The following SLC4A10 variants were observed in gnomAD, a reference collection of about 807,000 sequenced individuals.
The protein encoded by SLC4A10 is solute carrier family 4 member 10, also known as sodium-driven chloride bicarbonate exchanger.
A neutral mutation model predicts 137.7 loss-of-function variants in SLC4A10; 42 were observed. The ratio of observed to expected loss-of-function variants is 0.30; its 90% CI spans 0.24 to 0.39. The LOEUF is 0.39. SLC4A10 is among the 10% of genes least tolerant of loss of function. The pLI is 1.00. For missense variants in SLC4A10, 925 were observed against 1,355.0 expected, an observed-to-expected ratio of 0.68 and a Z score of 4.98; for synonymous variants, 474 against 464.1, an observed-to-expected ratio of 1.02 and a Z score of -0.27.
chr2:161,733,142 G>A lies in SLC4A10; in HGVS notation c.49-37831G>A, dbSNP rs780032146. Reference sequence around the variant, plus strand: ...GGCTGCATAAATTTGCATAAGTAATGAGGAGCCGCATGTTAATCCCCAAGA... The same window carrying A: ...GGCTGCATAAATTTGCATAAGTAATAAGGAGCCGCATGTTAATCCCCAAGA... On this transcript the variant is annotated intron_variant, in intron 1 of 26. Transcript: ENST00000446997. 8.6e-4 allele frequency among the ~76,000 whole-genome samples: 131 copies of A among 152,162 alleles called. 1 individual carries two copies. Among genetic ancestry groups the A allele is most frequent in the Non-Finnish European group, 1.2e-3 (82 of 68,018 alleles).
intron 11 of SLC4A10, among the ~76,000 whole-genome samples, chr2:161,895,480 A>G (rs1023185905): frequency 2.0e-5 from 3 of 152,138 alleles, no homozygotes; most frequent in Non-Finnish European, 2.9e-5. Flanking sequence ...TCCCTGAGGA[A>G]TCGCCACACT....
chr2:161,910,715 G>A (rs1201757931), intron 15 of SLC4A10, among the ~76,000 whole-genome samples: 13 of 152,020 alleles, frequency 8.6e-5, no homozygotes, highest in African/African-American at 3.1e-4. Flanking sequence ...AGCAGGTTAT[G>A]AGAAATTTTT....
chr2:161,865,294 A>C (rs1262190359), intron 6 of SLC4A10, among the ~76,000 whole-genome samples: 1 of 152,060 alleles, frequency 6.6e-6, no homozygotes, highest in African/African-American at 2.4e-5. Context: ...TAGAATTATA[A>C]CTGTGAATCA....
chr2:161,860,506 CA>C (rs1198879368), intron 5 of SLC4A10, among the ~76,000 whole-genome samples: 1 of 152,144 alleles, frequency 6.6e-6, no homozygotes, highest in Non-Finnish European at 1.5e-5. Flanking sequence ...ACCTACTTTA[CA>C]ACTTCCATTA....
intron 10 of SLC4A10, among the ~76,000 whole-genome samples, chr2:161,892,061 G>A (rs2062981074): frequency 6.6e-6 from 1 of 152,020 alleles, no homozygotes. Context: ...GATAACATTG[G>A]TGATAGGGAA....
chr2:161,741,729 G>A (rs748622724), intron 1 of SLC4A10, among the ~76,000 whole-genome samples: 3 of 152,096 alleles, frequency 2.0e-5, no homozygotes, highest in Non-Finnish European at 2.9e-5. Flanking sequence ...GGTACATGAG[G>A]TATTTTGATG....
intron 1 of SLC4A10, among the ~76,000 whole-genome samples, chr2:161,746,395 A>G (rs1046774564): frequency 6.6e-6 from 1 of 151,816 alleles, no homozygotes; most frequent in Non-Finnish European, 1.5e-5. Flanking sequence ...TGACTACTGC[A>G]CGACTACTGC....
chr2:161,827,200 C>T (rs1410770280), intron 3 of SLC4A10, among the ~76,000 whole-genome samples: 1 of 152,184 alleles, frequency 6.6e-6, no homozygotes, highest in Non-Finnish European at 1.5e-5. Context: ...TCTTCTCTCT[C>T]AAGACTTTCA....
chr2:161,640,584 TTC>T (rs1479710192), intron 1 of SLC4A10, among the ~76,000 whole-genome samples: 14 of 150,624 alleles, frequency 9.3e-5, no homozygotes, highest in Non-Finnish European at 1.8e-4. Context: ...GAAGTAAGCT[TTC>T]TCTTTCTTTC....
intron 1 of SLC4A10, among the ~76,000 whole-genome samples, chr2:161,644,361 TG>T (rs1287249524): frequency 1.3e-5 from 2 of 152,020 alleles, no homozygotes; most frequent in Non-Finnish European, 2.9e-5. Flanking sequence ...CCGGGCGTGG[TG>T]GTACGTTGCT....
chr2:161,972,880 T>C (rs957722617), intron 23 of SLC4A10, among the ~76,000 whole-genome samples: 2 of 152,166 alleles, frequency 1.3e-5, no homozygotes, highest in Admixed American at 1.3e-4. Context: ...GCTCCCACAT[T>C]GCATTGTATC....
intron 10 of SLC4A10, among the ~76,000 whole-genome samples, chr2:161,886,610 T>A (rs1204161845): frequency 2.0e-5 from 3 of 152,184 alleles, no homozygotes. Flanking sequence ...TTTTCTTTTT[T>A]CCCATGAAGA....
chr2:161,812,218 T>G (rs931630711), intron 3 of SLC4A10, among the ~76,000 whole-genome samples: 4 of 152,040 alleles, frequency 2.6e-5, no homozygotes, highest in African/African-American at 9.7e-5. Flanking sequence ...ATTAAAAAAC[T>G]TTTCCATCCC....
At chr2:161,728,273 A>C (rs2046434210) in intron 1 of SLC4A10, among the ~76,000 whole-genome samples, 1 of 152,226 alleles carries the variant, frequency 6.6e-6, no homozygotes, top group Non-Finnish European at 1.5e-5. Context: ...AAACAGTTCA[A>C]AATAAAAATA....
intron 1 of SLC4A10, chr2:161,709,976 C>G (rs1170497248): frequency 6.6e-6 from 1 of 151,380 alleles, no homozygotes; most frequent in Non-Finnish European, 1.5e-5. Flanking sequence ...ATTCTGTAGC[C>G]TGATTGTAAT....
At chr2:161,880,527 A>G (rs1030256721) in intron 9 of SLC4A10, among the ~76,000 whole-genome samples, 1 of 152,120 alleles carries the variant, frequency 6.6e-6, no homozygotes, top group Admixed American at 6.6e-5. Flanking sequence ...TTCAGATTAT[A>G]GAAAGAAGTC....
chr2:161,682,338 G>C (rs970993752), intron 1 of SLC4A10, among the ~76,000 whole-genome samples: 3 of 152,090 alleles, frequency 2.0e-5, no homozygotes, highest in Non-Finnish European at 4.4e-5. Context: ...TTTGGTTCCA[G>C]TGTGTCATCA....
chr2:161,787,508 A>G (rs962626930), intron 2 of SLC4A10, among the ~76,000 whole-genome samples: 1 of 152,122 alleles, frequency 6.6e-6, no homozygotes, highest in Non-Finnish European at 1.5e-5. Context: ...TCCTTTAAAT[A>G]TGTTTCCAAA....
chr2:161,768,077 C>T (rs1426552704), intron 1 of SLC4A10, among the ~76,000 whole-genome samples: 5 of 151,976 alleles, frequency 3.3e-5, no homozygotes, highest in Admixed American at 1.3e-4. Context: ...GACACCTTTC[C>T]TTTAGCCTTC....
Sources: gnomAD v4.1 joint callset for allele counts (sites outside exome capture counted in the v4.1 genomes callset) on GRCh38, gnomAD v4.1.1 for gene constraint, MANE v1.5 for transcripts, NCBI Gene and HGNC (gene_info 2026-07-23, HGNC 2026-07-21) for gene names.